Variants in GUCY1A2 observed in about 807,000 individuals in gnomAD.
The protein encoded by GUCY1A2 is guanylate cyclase soluble subunit alpha-2.
Under a neutral mutation model 63.5 loss-of-function variants are expected in GUCY1A2, and 27 were observed. The ratio of observed to expected loss-of-function variants is 0.43; its 90% CI spans 0.31 to 0.59. The LOEUF is 0.59. GUCY1A2 is among the 20% of genes least tolerant of loss of function. GUCY1A2 has a pLI of 0.11. For missense variants in GUCY1A2, 768 were observed against 913.3 expected (o/e 0.84, Z 2.05); for synonymous variants, 364 against 343.5 (o/e 1.06, Z -0.66).
chr11:106,938,130 G>C (rs781397194), intron 4 of GUCY1A2, among the ~76,000 whole-genome samples: 3 of 151,982 alleles, frequency 2.0e-5, no homozygotes, highest in Non-Finnish European at 4.4e-5. Flanking sequence ...GGTAGAGATG[G>C]GGTTTCATCA....
At chr11:106,871,174 T>C (rs370829550) in intron 4 of GUCY1A2, among the ~76,000 whole-genome samples, 3 of 152,130 alleles carry the variant, frequency 2.0e-5, no homozygotes, top group Admixed American at 6.6e-5. Flanking sequence ...AATGTGATGA[T>C]TAATCAACCT....
At chr11:106,927,835 G>C (rs940945935) in intron 4 of GUCY1A2, among the ~76,000 whole-genome samples, 2 of 151,274 alleles carry the variant, frequency 1.3e-5, no homozygotes, top group African/African-American at 2.4e-5. Context: ...GCCTCCCAAA[G>C]TGCTGGGATT....
At chr11:106,696,048 T>C (rs1025576627) in intron 7 of GUCY1A2, among the ~76,000 whole-genome samples, 4 of 152,136 alleles carry the variant, frequency 2.6e-5, no homozygotes, top group African/African-American at 4.8e-5. Context: ...TGTGCTTAAG[T>C]ATAGGTTCAT....
intron 6 of GUCY1A2, among the ~76,000 whole-genome samples, chr11:106,750,122 C>A (rs1013368193): frequency 6.6e-6 from 1 of 152,112 alleles, no homozygotes; most frequent in Non-Finnish European, 1.5e-5. Flanking sequence ...GAAGGCCTGA[C>A]AGCCCTGGGG....
intron 1 of GUCY1A2, among the ~76,000 whole-genome samples, chr11:106,996,020 T>A (rs1861530170): frequency 6.6e-6 from 1 of 152,218 alleles, no homozygotes; most frequent in Admixed American, 6.5e-5. Context: ...GCCTGACAGT[T>A]AAATTATAAA....
chr11:106,790,918 T>C (rs984492718), intron 5 of GUCY1A2, among the ~76,000 whole-genome samples: 1 of 152,196 alleles, frequency 6.6e-6, no homozygotes, highest in Admixed American at 6.5e-5. Context: ...AAGAAGTCTC[T>C]TTTGGAGATG....
At chr11:106,805,986 C>T (rs1858678482) in intron 5 of GUCY1A2, among the ~76,000 whole-genome samples, 1 of 152,092 alleles carries the variant, frequency 6.6e-6, no homozygotes, top group Non-Finnish European at 1.5e-5. Context: ...CGAAAATGTA[C>T]ATAATGCCAC....
chr11:107,015,836 G>A (rs1861815962), intron 1 of GUCY1A2, among the ~76,000 whole-genome samples: 1 of 152,060 alleles, frequency 6.6e-6, no homozygotes, highest in Admixed American at 6.5e-5. Flanking sequence ...ATATTGGCAG[G>A]GAAGAACAGC....
chr11:106,826,880 C>A (rs569405218), intron 4 of GUCY1A2: 430 of 1,606,108 alleles, frequency 2.7e-4, no homozygotes, highest in Non-Finnish European at 3.4e-4. Context: ...ACTTTCAGGC[C>A]ACCATCTTCT....
At position 107,007,054 on chromosome 11, in the gene GUCY1A2, T is replaced by C. The variant is rs76200139; in HGVS notation, c.303+10699A>G. ...TCTAAAACCCGTAGACTGTCTTATATTCAAGGAGTGATGTATCAAGTCTGA... is the reference window on the plus strand; with the variant it reads ...TCTAAAACCCGTAGACTGTCTTATACTCAAGGAGTGATGTATCAAGTCTGA... On this transcript the variant is annotated intron_variant, in intron 1 of 7. Transcript: ENST00000526355. Among the ~76,000 whole-genome samples the C allele has an allele frequency of 7.2e-3, 1,103 of 152,258 alleles. 10 individuals are homozygous for C. Among genetic ancestry groups the C allele is most frequent in the African/African-American group, 0.025 (1,059 of 41,534 alleles).
At chr11:106,804,111 G>A in intron 5 of GUCY1A2, among the ~76,000 whole-genome samples, 1 of 152,160 alleles carries the variant, frequency 6.6e-6, no homozygotes, top group Non-Finnish European at 1.5e-5. Flanking sequence ...AAGGTTCTAT[G>A]GAAGTCATGG....
chr11:106,746,785 C>G (rs1863795603), intron 6 of GUCY1A2: 1 of 515,990 alleles, frequency 1.9e-6, no homozygotes, highest in African/African-American at 1.9e-5. Flanking sequence ...ATTGGTGGTA[C>G]AATAAAAAAA....
intron 4 of GUCY1A2, chr11:106,827,966 C>T (rs529421528): frequency 5.6e-6 from 5 of 900,888 alleles, no homozygotes; most frequent in African/African-American, 3.3e-5. Context: ...AGGAAGCAGC[C>T]GCGAGGCGGT....
chr11:106,694,372 A>T (rs970705346), intron 7 of GUCY1A2, among the ~76,000 whole-genome samples: 2 of 152,186 alleles, frequency 1.3e-5, no homozygotes, highest in Non-Finnish European at 2.9e-5. Flanking sequence ...ATTTATTAGT[A>T]ATAAAGTTCT....
intron 6 of GUCY1A2, among the ~76,000 whole-genome samples, chr11:106,762,315 G>C (rs79506160): frequency 0.065 from 9,948 of 152,064 alleles, 484 homozygotes; most frequent in African/African-American, 0.14. Context: ...GGATCAGAGA[G>C]ATAAAAACTA....
intron 6 of GUCY1A2, among the ~76,000 whole-genome samples, chr11:106,750,850 C>A (rs1477452995): frequency 6.6e-6 from 1 of 151,186 alleles, no homozygotes; most frequent in Non-Finnish European, 1.5e-5. Context: ...TTCAAGGTGT[C>A]CCTGGATTAC....
At chr11:106,933,261 A>G (rs555910532) in intron 4 of GUCY1A2, among the ~76,000 whole-genome samples, 1 of 152,290 alleles carries the variant, frequency 6.6e-6, no homozygotes, top group South Asian at 2.1e-4. Flanking sequence ...CAAACAAAAA[A>G]TAACACCATT....
intron 4 of GUCY1A2, among the ~76,000 whole-genome samples, chr11:106,848,437 T>C (rs1016976392): frequency 2.4e-4 from 36 of 151,650 alleles, no homozygotes; most frequent in African/African-American, 7.5e-4. Context: ...AACATGTACC[T>C]GGCAGTGAAC....
intron 6 of GUCY1A2, among the ~76,000 whole-genome samples, chr11:106,715,894 T>C (rs1405770604): frequency 6.6e-6 from 1 of 152,216 alleles, no homozygotes. Context: ...GAAATTATGA[T>C]CATTGCTACA....
Sources: allele counts gnomAD v4.1 joint callset (sites outside exome capture counted in the v4.1 genomes callset), GRCh38; gene constraint gnomAD v4.1.1; transcripts MANE v1.5; gene names NCBI Gene and HGNC (gene_info 2026-07-23, HGNC 2026-07-21).